Variants in MACROD2 observed in about 807,000 individuals in gnomAD.
MACROD2 encodes the protein ADP-ribose glycohydrolase MACROD2.
In MACROD2, 36 loss-of-function variants were observed where a neutral mutation model predicts 70.4. The observed-to-expected ratio is 0.51, with a 90% CI of 0.39 to 0.68. The LOEUF is 0.68. Ranked by LOEUF, MACROD2 falls within the 30% of genes least tolerant of loss-of-function variation. MACROD2 has a pLI of 0.00. For synonymous variants in MACROD2, 172 were observed against 178.8 expected (o/e 0.96, Z 0.30); for missense variants, 496 against 538.4 (o/e 0.92, Z 0.78).
chr20:15,698,968 T>A (rs2050415692), intron 8 of MACROD2, among the ~76,000 whole-genome samples: 1 of 152,210 alleles, frequency 6.6e-6, no homozygotes, highest in Non-Finnish European at 1.5e-5. Context: ...CATTGAATAT[T>A]TCTCCCTTTA....
chr20:14,535,169 G>T (rs1354661447), intron 4 of MACROD2, among the ~76,000 whole-genome samples: 2 of 152,152 alleles, frequency 1.3e-5, no homozygotes, highest in Admixed American at 1.3e-4. Flanking sequence ...GATTCCTTTA[G>T]AATTTGAGAT....
intron 5 of MACROD2, among the ~76,000 whole-genome samples, chr20:14,837,277 A>T (rs1486069278): frequency 6.6e-6 from 1 of 152,038 alleles, no homozygotes; most frequent in African/African-American, 2.4e-5. Flanking sequence ...ACAAAGACAA[A>T]CTTATCATTA....
At chr20:14,936,788 A>T (rs1160316304) in intron 5 of MACROD2, among the ~76,000 whole-genome samples, 1 of 152,204 alleles carries the variant, frequency 6.6e-6, no homozygotes, top group Non-Finnish European at 1.5e-5. Context: ...ATCAAAATCC[A>T]CAAAGTTGTA....
intron 3 of MACROD2, among the ~76,000 whole-genome samples, chr20:14,369,842 G>A (rs2083306376): frequency 6.6e-6 from 1 of 152,152 alleles, no homozygotes; most frequent in South Asian, 2.1e-4. Context: ...AATACTTAAT[G>A]TTAAAAGATT....
chr20:15,540,848 T>A (rs1455963883), intron 8 of MACROD2, among the ~76,000 whole-genome samples: 1 of 152,144 alleles, frequency 6.6e-6, no homozygotes, highest in African/African-American at 2.4e-5. Flanking sequence ...ATCTCCTGCC[T>A]TCATCTTCAC....
rs376998737 is a variant in MACROD2 at position 14,213,282 on chromosome 20, T to G, written c.271+127554T>G. Among the ~76,000 whole-genome samples, 42 of 138,298 alleles carry G rather than the reference T, an allele frequency of 3.0e-4. 1 individual carries two copies. The South Asian group carries it at 9.4e-3, about 31-fold the overall frequency. The allele number at this position is 138,298 out of a possible 152,430, so 90.7% of individuals were successfully genotyped here. On this transcript the variant is annotated intron_variant, in intron 3 of 17. Coordinates refer to ENST00000684519, the MANE Select transcript of MACROD2 (RefSeq NM_001351661.2). The stretch of plus-strand genomic sequence containing the variant: ...TAACCAGTTTAAGAAAATGGTAAGG[T>G]TAGTGTGAAGAATTCCATGCCATAA...
intron 4 of MACROD2, among the ~76,000 whole-genome samples, chr20:14,564,276 T>C (rs1183225179): frequency 2.0e-5 from 3 of 151,886 alleles, no homozygotes; most frequent in African/African-American, 7.2e-5. Flanking sequence ...CTATTGGATA[T>C]TGTCCTAAGC....
At chr20:15,488,815 C>G (rs1285853167) in intron 7 of MACROD2, among the ~76,000 whole-genome samples, 1 of 152,154 alleles carries the variant, frequency 6.6e-6, no homozygotes, top group Non-Finnish European at 1.5e-5. Flanking sequence ...TTTCTAAAAA[C>G]CCTATTCCAG....
At chr20:14,660,120 C>T (rs545048634) in intron 4 of MACROD2, among the ~76,000 whole-genome samples, 7 of 152,338 alleles carry the variant, frequency 4.6e-5, no homozygotes, top group Non-Finnish European at 7.4e-5. Context: ...ACAGCCATGG[C>T]TTAGCCTCTT....
At chr20:14,042,298 GAGA>G (rs2053401809) in intron 2 of MACROD2, among the ~76,000 whole-genome samples, 2 of 152,132 alleles carry the variant, frequency 1.3e-5, no homozygotes, top group Non-Finnish European at 2.9e-5. Context: ...TGGATTTTAG[GAGA>G]GAGATCTTTG....
chr20:15,841,942 A>G (rs570233473), intron 8 of MACROD2, among the ~76,000 whole-genome samples: 5 of 152,268 alleles, frequency 3.3e-5, no homozygotes, highest in African/African-American at 9.6e-5. Flanking sequence ...ACTGAATTCA[A>G]GGGGTAGAAA....
At chr20:15,213,036 G>C (rs1314527716) in intron 5 of MACROD2, among the ~76,000 whole-genome samples, 1 of 152,196 alleles carries the variant, frequency 6.6e-6, no homozygotes, top group African/African-American at 2.4e-5. Flanking sequence ...AAGAAAAGGT[G>C]GTTGGAGATG....
intron 6 of MACROD2, chr20:15,280,881 G>A (rs1032901385): frequency 1.4e-4 from 22 of 152,186 alleles, no homozygotes; most frequent in Admixed American, 9.8e-4. Context: ...GTATTAGTCT[G>A]TTCTCATGCT....
intron 5 of MACROD2, among the ~76,000 whole-genome samples, chr20:14,983,139 G>A (rs2074816949): frequency 6.6e-6 from 1 of 152,098 alleles, no homozygotes; most frequent in Non-Finnish European, 1.5e-5. Context: ...GACTTGCATG[G>A]GCCCTGTAAC....
chr20:14,456,874 G>A (rs1192442563), intron 3 of MACROD2, among the ~76,000 whole-genome samples: 3 of 151,074 alleles, frequency 2.0e-5, no homozygotes, highest in Non-Finnish European at 2.9e-5. Context: ...CCACCACCAC[G>A]CCCGGCCAAC....
intron 5 of MACROD2, among the ~76,000 whole-genome samples, chr20:15,146,480 G>A (rs1264068608): frequency 6.6e-6 from 1 of 152,102 alleles, no homozygotes; most frequent in Non-Finnish European, 1.5e-5. Context: ...CCAATGTAAA[G>A]CTAATTTTAT....
chr20:15,093,275 G>T (rs985538253), intron 5 of MACROD2, among the ~76,000 whole-genome samples: 4 of 152,156 alleles, frequency 2.6e-5, no homozygotes, highest in Admixed American at 2.6e-4. Context: ...GGAGTTTAGG[G>T]AATCCTAGAG....
chr20:14,595,837 C>A (rs1982092951), intron 4 of MACROD2, among the ~76,000 whole-genome samples: 1 of 151,916 alleles, frequency 6.6e-6, no homozygotes, highest in Admixed American at 6.6e-5. Flanking sequence ...TATTGTATAC[C>A]GGAACCAAAT....
chr20:15,149,812 AC>A (rs1288630037), intron 5 of MACROD2, among the ~76,000 whole-genome samples: 2 of 151,996 alleles, frequency 1.3e-5, no homozygotes, highest in Non-Finnish European at 2.9e-5. Context: ...ACAGCCCTGC[AC>A]TTCGGCTGTG....
Sources: gnomAD v4.1 joint callset for allele counts (sites outside exome capture counted in the v4.1 genomes callset) on GRCh38, gnomAD v4.1.1 for gene constraint, MANE v1.5 for transcripts, NCBI Gene and HGNC (gene_info 2026-07-23, HGNC 2026-07-21) for gene names.